GSE1: variants seen among roughly 807,000 people sequenced by gnomAD.
GSE1 encodes the protein Gse1 coiled-coil protein, also known as genetic suppressor element 1.
In GSE1, 32 loss-of-function variants were observed where a neutral mutation model predicts 112.6. The observed-to-expected ratio is 0.28, with a 90% CI of 0.21 to 0.38. The LOEUF is 0.38. Among genes scored for constraint, GSE1 ranks in the 10% least tolerant of loss-of-function variants. GSE1 has a pLI of 1.00. For missense variants in GSE1, 2,348 were observed against 1,699.2 expected (o/e 1.38, Z -6.71); for synonymous variants, 1,115 against 735.6 (o/e 1.52, Z -8.35).
intron 2 of GSE1, among the ~76,000 whole-genome samples, chr16:85,509,971 C>T (rs1422156808): frequency 2.6e-5 from 4 of 152,282 alleles, no homozygotes; most frequent in Middle Eastern, 3.4e-3. Context: ...AAATTTTTGC[C>T]GGATTTGGTG....
At chr16:85,365,880 T>A (rs2047175265) in intron 2 of GSE1, among the ~76,000 whole-genome samples, 1 of 152,212 alleles carries the variant, frequency 6.6e-6, no homozygotes. Flanking sequence ...GAGCTTCTGC[T>A]ATGTGGCAGA....
intron 2 of GSE1, among the ~76,000 whole-genome samples, chr16:85,473,566 C>T (rs985757406): frequency 4.6e-5 from 7 of 152,164 alleles, no homozygotes; most frequent in East Asian, 1.9e-4. Flanking sequence ...GGCTTGTGGC[C>T]GCATGTCCCT....
chr16:85,563,604 G>A (rs1187906955), intron 1 of GSE1, among the ~76,000 whole-genome samples: 2 of 152,200 alleles, frequency 1.3e-5, no homozygotes, highest in Non-Finnish European at 2.9e-5. Context: ...CAGCCCTGCC[G>A]GAAGCCCAGG....
chr16:85,652,124 C>A (rs546186873), intron 3 of GSE1, among the ~76,000 whole-genome samples: 1 of 152,348 alleles, frequency 6.6e-6, no homozygotes, highest in Admixed American at 6.5e-5. Flanking sequence ...CCCCCACATG[C>A]CCGTGCACAG....
At chr16:85,344,320 G>A (rs1223544286) in intron 1 of GSE1, among the ~76,000 whole-genome samples, 3 of 152,150 alleles carry the variant, frequency 2.0e-5, no homozygotes, top group Non-Finnish European at 2.9e-5. Context: ...TAGGCAGTTG[G>A]CAAGGTTTGT....
chr16:85,384,691 T>G (rs1014965707), intron 2 of GSE1, among the ~76,000 whole-genome samples: 5 of 152,208 alleles, frequency 3.3e-5, no homozygotes, highest in African/African-American at 1.2e-4. Flanking sequence ...TTGTTCTGGA[T>G]GCCTCAGAGC....
chr16:85,318,563 C>A (rs2046033573), intron 1 of GSE1, among the ~76,000 whole-genome samples: 1 of 152,218 alleles, frequency 6.6e-6, no homozygotes, highest in Admixed American at 6.5e-5. Context: ...CTGTGCCCAG[C>A]CTCCTCATCC....
At chr16:85,629,216 T>C (rs946035773) in intron 1 of GSE1, among the ~76,000 whole-genome samples, 5 of 152,328 alleles carry the variant, frequency 3.3e-5, no homozygotes, top group East Asian at 3.9e-4. Context: ...CTCTTTTCTT[T>C]ATGAATTACA....
chr16:85,330,347 A>C (rs2046311658), intron 1 of GSE1, among the ~76,000 whole-genome samples: 1 of 152,212 alleles, frequency 6.6e-6, no homozygotes, highest in East Asian at 1.9e-4. Context: ...CCAGCCAAGG[A>C]ACGCAGGGGC....
At chr16:85,620,900 G>T (rs1364237899) in intron 1 of GSE1, among the ~76,000 whole-genome samples, 1 of 151,306 alleles carries the variant, frequency 6.6e-6, no homozygotes, top group Non-Finnish European at 1.5e-5. Flanking sequence ...TCGGCCCTGG[G>T]TCTCTGCTCT....
intron 2 of GSE1, among the ~76,000 whole-genome samples, chr16:85,380,728 C>T (rs1014111418): frequency 5.3e-5 from 8 of 152,160 alleles, no homozygotes; most frequent in African/African-American, 1.9e-4. Flanking sequence ...TTAATACTCA[C>T]TGGGGGTCCT....
At chr16:85,425,711 A>G (rs1269245305) in intron 2 of GSE1, among the ~76,000 whole-genome samples, 1 of 151,690 alleles carries the variant, frequency 6.6e-6, no homozygotes, top group Non-Finnish European at 1.5e-5. Flanking sequence ...GAGCAGTCTT[A>G]TCTCCTGACC....
chr16:85,474,156 C>A (rs1046983068), intron 2 of GSE1, among the ~76,000 whole-genome samples: 1 of 152,114 alleles, frequency 6.6e-6, no homozygotes, highest in African/African-American at 2.4e-5. Flanking sequence ...GGCTCCTGCA[C>A]CAGTCCAGAC....
intron 2 of GSE1, among the ~76,000 whole-genome samples, chr16:85,467,268 C>A (rs760001341): frequency 3.3e-5 from 5 of 152,204 alleles, no homozygotes; most frequent in Non-Finnish European, 5.9e-5. Flanking sequence ...ACGGGTTGTG[C>A]GCAAGACACT....
At position 85,170,054 on chromosome 16, in the gene GSE1, C is replaced by G. The variant is rs540887623; in HGVS notation, c.530C>G (p.Ser177Trp). The G allele has an allele frequency of 2.0e-5, 20 of 984,822 alleles. No individual in the cohort carries two copies. The South Asian group carries it at 2.3e-4, about 12-fold the overall frequency. 61.0% of individuals were successfully genotyped at this position (984,822 alleles called of 1,614,324 possible). A position where few individuals can be genotyped will look rare whatever the true frequency, so the allele number is the denominator to read the frequency against. ...CGAGACTCCGACCTGTCGGAGCTGT[C>G]GGACACCGACCCCCTTTCCGAGCCC... The change falls in exon 1 of 3, where the codon TCG becomes TGG. Residue 177 changes from serine to tryptophan, a missense_variant. By Grantham distance (177) the Ser-to-Trp change is radical. Transcript: ENST00000637419.
chr16:85,515,961 AG>A (rs2051921106), intron 2 of GSE1, among the ~76,000 whole-genome samples: 1 of 152,132 alleles, frequency 6.6e-6, no homozygotes, highest in South Asian at 2.1e-4. Flanking sequence ...CACGTTGGGC[AG>A]GGGGCAAGCA....
chr16:85,560,411 C>T (rs1302261128), intron 1 of GSE1, among the ~76,000 whole-genome samples: 1 of 152,150 alleles, frequency 6.6e-6, no homozygotes, highest in East Asian at 1.9e-4. Flanking sequence ...GTGTGAGCCA[C>T]CGCACCTGGC....
intron 1 of GSE1, among the ~76,000 whole-genome samples, chr16:85,253,070 C>CCCCA (rs1906674797): frequency 3.5e-5 from 2 of 57,070 alleles, no homozygotes; most frequent in African/African-American, 1.7e-4. Flanking sequence ...CCCCCCCCCA[C>CCCCA]CCCCCCCCCC....
intron 2 of GSE1, chr16:85,463,184 TCTGGGGCGCG>T (rs1400652620): frequency 1.1e-6 from 1 of 879,614 alleles, no homozygotes; most frequent in Non-Finnish European, 1.4e-6. Flanking sequence ...GATGGAACTT[TCTGGGGCGCG>T]CCACCCACCC....
Sources: gnomAD v4.1 joint callset for allele counts (sites outside exome capture counted in the v4.1 genomes callset) on GRCh38, gnomAD v4.1.1 for gene constraint, MANE v1.5 for transcripts, NCBI Gene and HGNC (gene_info 2026-07-23, HGNC 2026-07-21) for gene names.